SLC12A8: variants seen among roughly 807,000 people sequenced by gnomAD.
The protein encoded by SLC12A8 is cation-chloride cotransporter 9.
SLC12A8 carries 69 observed loss-of-function variants against 75.6 expected under a neutral mutation model. The ratio of observed to expected loss-of-function variants is 0.91; its 90% CI spans 0.75 to 1.11. The LOEUF (loss-of-function observed/expected upper bound fraction) is 1.11. Among genes scored for constraint, SLC12A8 ranks in the 50% most tolerant of loss-of-function variants. The probability of loss-of-function intolerance (pLI) is 0.00; values close to 1 mark genes in which losing one functional copy is unlikely to be tolerated. For synonymous variants in SLC12A8, 365 were observed against 372.8 expected, an observed-to-expected ratio of 0.98 and a Z score of 0.24; for missense variants, 877 against 896.7, an observed-to-expected ratio of 0.98 and a Z score of 0.28.
chr3:125,179,334 T>C (rs1424061243), intron 4 of SLC12A8, among the ~76,000 whole-genome samples: 2 of 152,146 alleles, frequency 1.3e-5, no homozygotes, highest in Non-Finnish European at 1.5e-5. Context: ...TCTTAAAAAA[T>C]TGTTTATGCT....
intron 9 of SLC12A8, among the ~76,000 whole-genome samples, chr3:125,109,577 G>T (rs1478832250): frequency 4.6e-5 from 7 of 152,214 alleles, no homozygotes; most frequent in Admixed American, 4.6e-4. Flanking sequence ...AACCATATTA[G>T]TGGGAAATGG....
chr3:125,107,056 A>C (rs1473284780), intron 10 of SLC12A8, among the ~76,000 whole-genome samples: 3 of 152,202 alleles, frequency 2.0e-5, no homozygotes, highest in South Asian at 4.1e-4. Flanking sequence ...CCTTCTGTCC[A>C]TCCCCTCTTG....
Position 125,187,432 on chromosome 3 carries a change from C to A in SLC12A8, c.199-4G>T, listed in dbSNP as rs748411772. On this transcript the variant is annotated splice_region_variant and splice_polypyrimidine_tract_variant and intron_variant, in intron 3 of 13. Transcript: ENST00000469902. ...CCAGGAGCACTCCTGTGTTTCCCTG[C>A]AGCAGAATAGCAAGGAGCAAGGTTG... The A allele has an allele frequency of 1.4e-5, 23 of 1,613,502 alleles. No homozygotes were observed. In the African/African-American group the frequency reaches 2.4e-4, roughly 17 times the overall value.
At chr3:125,141,713 CGGCGGG>C (rs1933643889) in intron 5 of SLC12A8, among the ~76,000 whole-genome samples, 1 of 151,714 alleles carries the variant, frequency 6.6e-6, no homozygotes, top group Non-Finnish European at 1.5e-5. Context: ...GCTGCTGCCG[CGGCGGG>C]GGCTTCCGGC....
chr3:125,170,870 A>G (rs944631093), intron 5 of SLC12A8, among the ~76,000 whole-genome samples: 1 of 152,142 alleles, frequency 6.6e-6, no homozygotes, highest in Non-Finnish European at 1.5e-5. Context: ...AGCCGAGATC[A>G]CGCCACTGCA....
intron 3 of SLC12A8, 119 bp downstream of exon 3, chr3:125,190,256 C>T (rs1375400131): frequency 7.2e-6 from 8 of 1,111,216 alleles, no homozygotes; most frequent in Non-Finnish European, 7.8e-6. Context: ...GCTTCTGTTT[C>T]GTGTTTCAGG....
At chr3:125,127,364 T>C (rs147489196) in intron 6 of SLC12A8, among the ~76,000 whole-genome samples, 227 of 152,342 alleles carry the variant, frequency 1.5e-3, no homozygotes, top group African/African-American at 5.1e-3. Context: ...GCAAGATTTA[T>C]TGGCTTCTGG....
chr3:125,142,117 G>A lies in SLC12A8; in HGVS notation c.623-6335C>T, dbSNP rs1239833682. Among the ~76,000 whole-genome samples the A allele has an allele frequency of 3.3e-5, 5 of 152,222 alleles. No homozygotes were observed. The South Asian group carries it at 8.3e-4, about 25-fold the overall frequency. On this transcript the variant is annotated intron_variant, in intron 5 of 13. Coordinates refer to ENST00000469902, the MANE Select transcript of SLC12A8 (RefSeq NM_024628.6). ...CAGCACCTGTACCTCGCCAGACGCG[G>A]CCTCACGGAGACGGGGATCTGCAGC...
intron 5 of SLC12A8, chr3:125,154,736 A>C (rs1360168763): frequency 2.6e-5 from 4 of 152,190 alleles, no homozygotes; most frequent in African/African-American, 9.7e-5. Flanking sequence ...AATAATTAAT[A>C]ATAAAATAGA....
chr3:125,106,069 T>A (rs1331826633), intron 10 of SLC12A8, among the ~76,000 whole-genome samples: 1 of 152,094 alleles, frequency 6.6e-6, no homozygotes, highest in Non-Finnish European at 1.5e-5. Flanking sequence ...GCAAATACAT[T>A]ATTTAGTGAC....
At position 125,084,066 on chromosome 3, in the gene SLC12A8, G is replaced by A. The variant is rs769415902; in HGVS notation, c.1983-14C>T. On this transcript the variant is annotated splice_polypyrimidine_tract_variant and intron_variant, in intron 13 of 13. Coordinates refer to ENST00000469902, the MANE Select transcript of SLC12A8 (RefSeq NM_024628.6). ...GACCGCAAGCTCCTGCAGTGAGAGA[G>A]ACACAGAGGATGGTGAGAAGGACAG... is the stretch of plus-strand genomic sequence containing the variant. The A allele has an allele frequency of 1.1e-5, 17 of 1,607,346 alleles. No homozygotes were observed. Among genetic ancestry groups the A allele is most frequent in the Non-Finnish European group, 1.4e-5 (17 of 1,176,466 alleles).
chr3:125,090,930 T>C (rs1010991791), intron 12 of SLC12A8, among the ~76,000 whole-genome samples: 1 of 152,238 alleles, frequency 6.6e-6, no homozygotes, highest in Non-Finnish European at 1.5e-5. Context: ...TGATTATTGA[T>C]ATGGCTGGGA....
At chr3:125,136,066 T>C (rs2107761288) in intron 5 of SLC12A8, among the ~76,000 whole-genome samples, 1 of 152,322 alleles carries the variant, frequency 6.6e-6, no homozygotes, top group South Asian at 2.1e-4. Context: ...TCATAGACTT[T>C]AATATAGCTG....
intron 8 of SLC12A8, among the ~76,000 whole-genome samples, chr3:125,116,763 A>G (rs565420240): frequency 2.6e-5 from 4 of 152,350 alleles, no homozygotes; most frequent in African/African-American, 9.6e-5. Context: ...AAGGAACTTT[A>G]GAAGCAGGCA....
At chr3:125,182,957 G>A (rs891063378) in intron 4 of SLC12A8, among the ~76,000 whole-genome samples, 3 of 152,190 alleles carry the variant, frequency 2.0e-5, no homozygotes, top group African/African-American at 7.2e-5. Context: ...TCTCCAATGT[G>A]TTAACTGACT....
rs1406737223 is a variant in SLC12A8 at position 125,177,746 on chromosome 3, G to A, written c.619C>T (p.Pro207Ser). ...TACTGGACTCTGAAAGGCTTACCTG[G>A]GTCCAGGTGGGTGAAAGAACCCACC... is the stretch of plus-strand genomic sequence containing the variant. Reference protein sequence around the residue: ...FVVGSFTHLDPEHGFIGYSPE... With the variant: ...FVVGSFTHLDSEHGFIGYSPE... The change falls in exon 5 of 14, where the codon CCA (proline) becomes TCA (serine). Residue 207 changes from proline to serine, a missense_variant. Coordinates refer to ENST00000469902, the MANE Select transcript of SLC12A8 (RefSeq NM_024628.6). 6.2e-7 allele frequency: 1 copy of A among 1,613,220 alleles called. No homozygotes were observed. Among genetic ancestry groups the A allele is most frequent in the Admixed American group, 1.7e-5 (1 of 59,990 alleles).
intron 3 of SLC12A8, among the ~76,000 whole-genome samples, chr3:125,189,873 C>T (rs777355197): frequency 6.6e-6 from 1 of 152,066 alleles, no homozygotes; most frequent in African/African-American, 2.4e-5. Context: ...TGAACTGACC[C>T]CCAGGATCTC....
intron 10 of SLC12A8, among the ~76,000 whole-genome samples, chr3:125,094,257 T>C (rs998753848): frequency 3.4e-4 from 52 of 152,164 alleles, no homozygotes; most frequent in Admixed American, 6.5e-5. Context: ...TTTGCCTTAG[T>C]ATGTTTTTGA....
intron 10 of SLC12A8, among the ~76,000 whole-genome samples, chr3:125,102,594 T>G (rs1426441926): frequency 6.6e-6 from 1 of 152,152 alleles, no homozygotes; most frequent in African/African-American, 2.4e-5. Flanking sequence ...GATGAGCGTC[T>G]GCACCAAAGT....
Sources: allele counts gnomAD v4.1 joint callset (sites outside exome capture counted in the v4.1 genomes callset), GRCh38; gene constraint gnomAD v4.1.1; transcripts MANE v1.5; gene names NCBI Gene and HGNC (gene_info 2026-07-23, HGNC 2026-07-21).